The following EBF3 variants were observed in gnomAD, a reference collection of about 807,000 sequenced individuals.
The protein encoded by EBF3 is transcription factor COE3.
A neutral mutation model predicts 77.1 loss-of-function variants in EBF3; 18 were observed. The ratio of observed to expected loss-of-function variants is 0.23; its 90% CI spans 0.16 to 0.35. The LOEUF (loss-of-function observed/expected upper bound fraction) is 0.35. Among genes scored for constraint, EBF3 ranks in the 10% least tolerant of loss-of-function variants. The pLI is 1.00. For synonymous variants in EBF3, 350 were observed against 343.5 expected (o/e 1.02, Z -0.21); for missense variants, 558 against 860.0 (o/e 0.65, Z 4.39).
chr10:129,859,566 A>C (rs1851480202), intron 10 of EBF3, among the ~76,000 whole-genome samples: 1 of 152,242 alleles, frequency 6.6e-6, no homozygotes, highest in South Asian at 2.1e-4. Context: ...GGCCCAACTG[A>C]TTGAAATGAT....
chr10:129,930,817 CT>C (rs927473767), intron 6 of EBF3, among the ~76,000 whole-genome samples: 11 of 147,192 alleles, frequency 7.5e-5, no homozygotes, highest in African/African-American at 2.0e-4. Context: ...ACAAATCCCC[CT>C]CTCATATATC....
chr10:129,912,270 T>C (rs1005840163), intron 6 of EBF3, among the ~76,000 whole-genome samples: 1 of 152,164 alleles, frequency 6.6e-6, no homozygotes, highest in Non-Finnish European at 1.5e-5. Flanking sequence ...CTCTCCCCAC[T>C]ATCAACAGTG....
chr10:129,934,010 G>A (rs1468248516), intron 6 of EBF3, among the ~76,000 whole-genome samples: 1 of 152,194 alleles, frequency 6.6e-6, no homozygotes, highest in Non-Finnish European at 1.5e-5. Flanking sequence ...GGGCTTGCCA[G>A]ATTTAGCAAA....
rs1387010388 is a variant in EBF3, at chr10:129,846,725, ATGT to A, written c.1128+1664_1128+1666del. On this transcript the variant is annotated intron_variant, in intron 11 of 16. Coordinates refer to ENST00000440978, the MANE Select transcript of EBF3 (RefSeq NM_001375380.1). Reference sequence around the variant, plus strand: ...TCCATTAGAACAAAATCAAATATTTATGTTGTTTATTGAAACTGCTAGATTTCA... The same window carrying A: ...TCCATTAGAACAAAATCAAATATTTATGTTTATTGAAACTGCTAGATTTCA... Among the ~76,000 whole-genome samples, 9 of 152,066 alleles carry A rather than the reference ATGT, an allele frequency of 5.9e-5. No individual in the cohort carries two copies. In the South Asian group the frequency reaches 1.9e-3, roughly 32 times the overall value.
chr10:129,843,304 C>A, intron 11 of EBF3, 102 bp from the exon 12 acceptor site: 1 of 1,223,970 alleles, frequency 8.2e-7, no homozygotes, highest in Non-Finnish European at 1.2e-6. Flanking sequence ...CCAGTCCCCA[C>A]CCACAGCGAC....
chr10:129,940,643 C>G lies in EBF3; in HGVS notation c.554+16615G>C, dbSNP rs192978283. Among the ~76,000 whole-genome samples the G allele has an allele frequency of 2.0e-5, 3 of 152,280 alleles. No individual in the cohort carries two copies. The East Asian group carries it at 5.8e-4, about 30-fold the overall frequency. On this transcript the variant is annotated intron_variant, in intron 6 of 16. Coordinates refer to ENST00000440978, the MANE Select transcript of EBF3 (RefSeq NM_001375380.1). ...GAGCTGCTGTTATCTCTACTGTGGG[C>G]GGGTGAGGAATGATGGCATCTGCCC...
chr10:129,882,873 C>T (rs1011684117), intron 6 of EBF3, among the ~76,000 whole-genome samples: 3 of 152,230 alleles, frequency 2.0e-5, no homozygotes, highest in Non-Finnish European at 4.4e-5. Flanking sequence ...ATCCTCACCG[C>T]CTTCCCTGCC....
At chr10:129,886,917 T>C (rs1853628049) in intron 6 of EBF3, among the ~76,000 whole-genome samples, 3 of 151,488 alleles carry the variant, frequency 2.0e-5, no homozygotes, top group African/African-American at 4.9e-5. Context: ...AGACGCACAC[T>C]TGAGTGCCCC....
chr10:129,857,142 A>T (rs1055130073), intron 10 of EBF3, among the ~76,000 whole-genome samples: 4 of 152,210 alleles, frequency 2.6e-5, no homozygotes, highest in African/African-American at 9.7e-5. Flanking sequence ...CTGGTTTTTC[A>T]GGCTGCATAA....
chr10:129,869,517 C>T (rs1852265688), intron 8 of EBF3, among the ~76,000 whole-genome samples: 1 of 152,078 alleles, frequency 6.6e-6, no homozygotes, highest in African/African-American at 2.4e-5. Flanking sequence ...CTGTGCAGCT[C>T]GGCTTCAGAT....
intron 6 of EBF3, among the ~76,000 whole-genome samples, chr10:129,931,801 C>T (rs533704333): frequency 4.6e-5 from 7 of 152,332 alleles, no homozygotes; most frequent in African/African-American, 9.6e-5. Context: ...GCTCCCTGAG[C>T]GACCCTGTGT....
chr10:129,914,289 T>C (rs1382860357), intron 6 of EBF3, among the ~76,000 whole-genome samples: 2 of 152,140 alleles, frequency 1.3e-5, no homozygotes, highest in African/African-American at 4.8e-5. Flanking sequence ...ATCTGTGATT[T>C]TCCCTTGGCA....
chr10:129,843,250 T>C, intron 11 of EBF3, 48 bp from the exon 12 acceptor site: 3 of 1,568,844 alleles, frequency 1.9e-6, no homozygotes, highest in Non-Finnish European at 2.6e-6. Context: ...AACCGGCCAG[T>C]TATCACTGCC....
At chr10:129,847,078 C>T (rs954009633) in intron 11 of EBF3, among the ~76,000 whole-genome samples, 1 of 152,138 alleles carries the variant, frequency 6.6e-6, no homozygotes, top group Non-Finnish European at 1.5e-5. Flanking sequence ...GTGGCGCCAA[C>T]ACCAGCTGCC....
chr10:129,963,152 T>C lies in EBF3; in HGVS notation c.292-147A>G. 1 of 1,232,230 alleles carries C rather than the reference T, an allele frequency of 8.1e-7. No individual in the cohort carries two copies. Among genetic ancestry groups the C allele is most frequent in the Non-Finnish European group, 1.2e-6 (1 of 860,214 alleles). 76.3% of individuals were successfully genotyped at this position (1,232,230 alleles called of 1,614,324 possible). ...CAGCGCGGTGATGTCACTTTCCTGC[T>C]GGAAGCCCAGCGTTCTCCTCGCCCC... On this transcript the variant is annotated intron_variant, in intron 2 of 16. Coordinates refer to ENST00000440978, the MANE Select transcript of EBF3 (RefSeq NM_001375380.1). The surrounding 1 kb of genome is among the most constrained non-coding windows in gnomAD (Gnocchi z 7.1).
intron 6 of EBF3, among the ~76,000 whole-genome samples, chr10:129,945,905 G>A (rs1221311378): frequency 6.6e-6 from 1 of 151,692 alleles, no homozygotes; most frequent in Non-Finnish European, 1.5e-5. Context: ...TTAAGACATT[G>A]TTTCTCTGTG....
rs1248791229 is a variant in EBF3 at position 129,840,821 on chromosome 10, G to A, written c.1561+23C>T. ...AGTGAATATGAATCTGCGTGATGAC[G>A]TGTGACAAAAACAGACACTTACTGC... is the stretch of plus-strand genomic sequence containing the variant. On this transcript the variant is annotated intron_variant, in intron 14 of 16. Coordinates refer to ENST00000440978, the MANE Select transcript of EBF3 (RefSeq NM_001375380.1). 9 of 1,604,366 alleles carry A rather than the reference G, an allele frequency of 5.6e-6. No individual in the cohort carries two copies. The South Asian group carries it at 7.8e-5, about 14-fold the overall frequency.
rs779062724 is a variant in EBF3, at chr10:129,963,665, C to T, written c.104G>A (p.Gly35Asp). The change falls in exon 1 of 17, where the codon GGC becomes GAC. Residue 35 changes from glycine (G) to aspartate (D), a missense_variant. This residue lies in a region of EBF3 where 64 missense variants were observed against 54.5 expected (regional missense o/e 1.18). Coordinates refer to ENST00000440978, the MANE Select transcript of EBF3 (RefSeq NM_001375380.1). This position sits in a 1 kb window ranked among gnomAD's most constrained non-coding sequence, Gnocchi z 7.1. ...NPVRSWMHTAGVVDANTAAQS... is the reference protein window; with the variant it reads ...NPVRSWMHTADVVDANTAAQS... ...GGCGGCCGTGTTGGCGTCCACCACG[C>T]CCGCCGTGTGCATCCACGAGCGCAC... The T allele has an allele frequency of 6.6e-7, 1 of 1,506,028 alleles. No individual in the cohort carries two copies. Among genetic ancestry groups the T allele is most frequent in the Non-Finnish European group, 8.9e-7 (1 of 1,119,462 alleles). 93.3% of individuals were successfully genotyped at this position (1,506,028 alleles called of 1,614,324 possible).
At chr10:129,902,545 G>A (rs1564873066) in intron 6 of EBF3, among the ~76,000 whole-genome samples, 3 of 152,232 alleles carry the variant, frequency 2.0e-5, no homozygotes, top group Non-Finnish European at 4.4e-5. Flanking sequence ...CCAGCAGAAA[G>A]TCCCAGAACA....
Sources: gnomAD v4.1 joint callset for allele counts (sites outside exome capture counted in the v4.1 genomes callset) on GRCh38, gnomAD v4.1.1 for gene constraint, gnomAD v4.1.1 regional missense constraint, Gnocchi (gnomAD v3.1) non-coding constraint, MANE v1.5 for transcripts, NCBI Gene and HGNC (gene_info 2026-07-23, HGNC 2026-07-21) for gene names.